The following SLFN12L variants were observed in gnomAD, a reference collection of about 807,000 sequenced individuals.
SLFN12L encodes schlafen family member 12-like.
In SLFN12L, 34 loss-of-function variants were observed where a neutral mutation model predicts 34.8. The observed-to-expected ratio is 0.98, with a 90% CI of 0.74 to 1.30. The LOEUF is 1.30. Among genes scored for constraint, SLFN12L ranks in the 50% most tolerant of loss-of-function variants. The probability of loss-of-function intolerance (pLI) is 0.00; values close to 1 mark genes in which losing one functional copy is unlikely to be tolerated. For missense variants in SLFN12L, 703 were observed against 696.2 expected (o/e 1.01, Z -0.11); for synonymous variants, 259 against 247.5 (o/e 1.05, Z -0.44).
chr17:35,532,263 A>C (rs907662227), intron 1 of SLFN12L, among the ~76,000 whole-genome samples: 3 of 152,104 alleles, frequency 2.0e-5, no homozygotes, highest in Non-Finnish European at 4.4e-5. Flanking sequence ...AACATAGCGA[A>C]ACCCCGACTC....
rs1277915378 is a variant in SLFN12L at position 35,468,190 on chromosome 17, C to T, written c.*6733G>A. ...CCTCTCAAAGTGCTGGGATTACAGG[C>T]ATGAGCTGCCATGCTCAGCCTGCTG... On this transcript the variant is annotated 3_prime_UTR_variant, in exon 5 of 5. Transcript: ENST00000628453. Among the ~76,000 whole-genome samples the T allele has an allele frequency of 6.6e-6, 1 of 152,204 alleles. No homozygotes were observed. Among genetic ancestry groups the T allele is most frequent in the East Asian group, 1.9e-4 (1 of 5,200 alleles).
rs145413561 is a variant in SLFN12L at position 35,502,300 on chromosome 17, G to T, written c.86+19979C>A. Among the ~76,000 whole-genome samples the T allele has an allele frequency of 3.3e-3, 507 of 151,662 alleles. 2 individuals are homozygous for T. Among genetic ancestry groups the T allele is most frequent in the African/African-American group, 0.012 (495 of 41,314 alleles). On this transcript the variant is annotated intron_variant, in intron 2 of 4. Transcript: ENST00000628453. The stretch of plus-strand genomic sequence containing the variant: ...TCCTTAGCCCTGTAACCTATGGATG[G>T]CCCAAATGCATTCAATCTGTAGTGG...
rs577244968 is a variant in SLFN12L at position 35,482,634 on chromosome 17, G to C, written c.87-2439C>G. ...CTGAGAAGATCCCCCTGCCCTCGCA[G>C]GCTCAGAAGTGCCTGCTCCCACTGC... On this transcript the variant is annotated intron_variant, in intron 2 of 4. Coordinates refer to ENST00000628453, the MANE Select transcript of SLFN12L (RefSeq NM_001363830.2). Among the ~76,000 whole-genome samples, 17 of 152,310 alleles carry C rather than the reference G, an allele frequency of 1.1e-4. No individual in the cohort carries two copies. In the East Asian group the frequency reaches 1.5e-3, roughly 14 times the overall value.
chr17:35,521,865 C>T (rs920214475), intron 2 of SLFN12L, among the ~76,000 whole-genome samples: 2 of 152,004 alleles, frequency 1.3e-5, no homozygotes, highest in Non-Finnish European at 2.9e-5. Context: ...CAGAGCAAGA[C>T]TCTGTCTCAA....
intron 2 of SLFN12L, among the ~76,000 whole-genome samples, chr17:35,506,061 T>C (rs1915456727): frequency 6.6e-6 from 1 of 152,176 alleles, no homozygotes; most frequent in South Asian, 2.1e-4. Context: ...ATGACCAACC[T>C]GATGTGTGTT....
chr17:35,486,656 C>T (rs1039995773), intron 2 of SLFN12L, among the ~76,000 whole-genome samples: 1 of 152,178 alleles, frequency 6.6e-6, no homozygotes, highest in Non-Finnish European at 1.5e-5. Context: ...GGGCCTAAAA[C>T]TCACTGGCCT....
In SLFN12L at chr17:35,530,444, GAAAGAAAGAAAGAAA is replaced by G. The variant is rs1567694217; in HGVS notation, c.-606+7114_-606+7128del. Among the ~76,000 whole-genome samples the G allele has an allele frequency of 1.6e-3, 26 of 16,272 alleles. 3 individuals carry two copies. The highest frequency in any genetic ancestry group is 4.0e-3 in the African/African-American group (23 of 5,768). The allele number at this position is 16,272 out of a possible 152,430, so 10.7% of individuals were successfully genotyped here. A position where few individuals can be genotyped will look rare whatever the true frequency, so the allele number is the denominator to read the frequency against. ...AAGGAAGGAAGGGAAGGGAAGGGAA[GAAAGAAAGAAAGAAA>G]GAAAGAAAGAAAGAAAGAAAGAAAG... is the stretch of plus-strand genomic sequence containing the variant. On this transcript the variant is annotated intron_variant, in intron 1 of 4. Transcript: ENST00000628453.
chr17:35,499,656 G>A, intron 2 of SLFN12L: 1 of 198,296 alleles, frequency 5.0e-6, no homozygotes, highest in Non-Finnish European at 9.0e-6. Flanking sequence ...TGCTGTCCCT[G>A]CACCCTCACC....
rs1913716481 is a variant in SLFN12L, at chr17:35,466,115, T to C, written c.*8808A>G. On this transcript the variant is annotated 3_prime_UTR_variant, in exon 5 of 5. Transcript: ENST00000628453. ...TTAGCAACATCTCCCATTAGTGTGG[T>C]ACATTTGTTACAATTGATTAATCTA... Among the ~76,000 whole-genome samples, 1 of 152,216 alleles carries C rather than the reference T, an allele frequency of 6.6e-6. No individual in the cohort carries two copies. The highest frequency in any genetic ancestry group is 2.4e-5 in the African/African-American group (1 of 41,446).
intron 2 of SLFN12L, among the ~76,000 whole-genome samples, chr17:35,491,890 T>G (rs536222207): frequency 1.2e-4 from 19 of 152,220 alleles, no homozygotes; most frequent in Non-Finnish European, 2.2e-4. Flanking sequence ...ATATACTTGT[T>G]GCAGATACAG....
In SLFN12L at chr17:35,467,287, A is replaced by G. The variant is rs1282712056; in HGVS notation, c.*7636T>C. Among the ~76,000 whole-genome samples the G allele has an allele frequency of 1.6e-4, 24 of 152,188 alleles. No individual in the cohort carries two copies. The highest frequency in any genetic ancestry group is 1.6e-3 in the Admixed American group (24 of 15,282). On this transcript the variant is annotated 3_prime_UTR_variant, in exon 5 of 5. Coordinates refer to ENST00000628453, the MANE Select transcript of SLFN12L (RefSeq NM_001363830.2). ...GAATGCTGGATGCCCTGGCCAACAAATGGCCCCATCTCCATATTCCTTTTG... is the reference window on the plus strand; with the variant it reads ...GAATGCTGGATGCCCTGGCCAACAAGTGGCCCCATCTCCATATTCCTTTTG...
rs1182227713 is a variant in SLFN12L at position 35,467,657 on chromosome 17, A to G, written c.*7266T>C. On this transcript the variant is annotated 3_prime_UTR_variant, in exon 5 of 5. Transcript: ENST00000628453. ...GGTCTTTATCTTGCCCCAGGCCTTA[A>G]CCTATTTTTATAGATTTTCAATATC... Among the ~76,000 whole-genome samples, 1 of 150,790 alleles carries G rather than the reference A, an allele frequency of 6.6e-6. No homozygotes were observed. The highest frequency in any genetic ancestry group is 1.5e-5 in the Non-Finnish European group (1 of 67,614).
rs4796096 is a variant in SLFN12L at position 35,522,850 on chromosome 17, T to C, written c.-486A>G. The C allele has an allele frequency of 0.91, 968,844 of 1,062,544 alleles. 442,681 individuals are homozygous for C. Among genetic ancestry groups the C allele is most frequent in the East Asian group, 1 (42,111 of 42,156 alleles). 65.8% of individuals were successfully genotyped at this position (1,062,544 alleles called of 1,614,324 possible). A position where few individuals can be genotyped will look rare whatever the true frequency, so the allele number is the denominator to read the frequency against. ...TCCACAGCCTAGCTTCTAGAGAGGA[T>C]CACAATTCCCCAGGAGAAAGGTTGG... On this transcript the variant is annotated 5_prime_UTR_variant, in exon 2 of 5. Transcript: ENST00000628453.
chr17:35,530,445 A>G (rs58579537), intron 1 of SLFN12L, among the ~76,000 whole-genome samples: 15 of 34,940 alleles, frequency 4.3e-4, no homozygotes, highest in Admixed American at 6.6e-4. Flanking sequence ...GGAAGGGAAG[A>G]AAGAAAGAAA....
At chr17:35,487,647 GAGA>G (rs1914642697) in intron 2 of SLFN12L, 2 of 1,435,414 alleles carry the variant, frequency 1.4e-6, no homozygotes, top group Admixed American at 2.0e-5. Flanking sequence ...AGGGATCACG[GAGA>G]AGTTCTCGTT....
chr17:35,505,387 C>CTTA (rs966106589), intron 2 of SLFN12L, among the ~76,000 whole-genome samples: 1 of 152,196 alleles, frequency 6.6e-6, no homozygotes, highest in African/African-American at 2.4e-5. Flanking sequence ...GGCCCCTGTG[C>CTTA]TTAAGAGCCT....
At chr17:35,524,200 T>C (rs1176912144) in intron 1 of SLFN12L, among the ~76,000 whole-genome samples, 1 of 152,186 alleles carries the variant, frequency 6.6e-6, no homozygotes, top group Non-Finnish European at 1.5e-5. Flanking sequence ...ATGACATACA[T>C]CTAGATTTTA....
chr17:35,500,231 A>G (rs1915242493), intron 2 of SLFN12L: 1 of 152,134 alleles, frequency 6.6e-6, no homozygotes, highest in African/African-American at 2.4e-5. Flanking sequence ...TAATTCAAGG[A>G]TTTCCTTATG....
intron 2 of SLFN12L, chr17:35,490,964 T>A: frequency 1.3e-6 from 1 of 785,764 alleles, no homozygotes; most frequent in Non-Finnish European, 2.4e-6. Flanking sequence ...TTCAACCAAC[T>A]CAGGACATAG....
Sources: allele counts gnomAD v4.1 joint callset (sites outside exome capture counted in the v4.1 genomes callset), GRCh38; gene constraint gnomAD v4.1.1; transcripts MANE v1.5; gene names NCBI Gene and HGNC (gene_info 2026-07-23, HGNC 2026-07-21).